The following CUL3 variants were observed in gnomAD, a reference collection of about 807,000 sequenced individuals.
CUL3 encodes cullin 3.
In CUL3, 19 loss-of-function variants were observed where a neutral mutation model predicts 89.1. The observed-to-expected ratio is 0.21, with a 90% CI of 0.15 to 0.31. The LOEUF (loss-of-function observed/expected upper bound fraction) is 0.31. Ranked by LOEUF, CUL3 falls within the 10% of genes least tolerant of loss-of-function variation. The pLI is 1.00. For synonymous variants in CUL3, 351 were observed against 308.4 expected, an observed-to-expected ratio of 1.14 and a Z score of -1.45; for missense variants, 469 against 942.3, an observed-to-expected ratio of 0.50 and a Z score of 6.58.
At chr2:224,536,201 C>G (rs1693892990) in intron 2 of CUL3, among the ~76,000 whole-genome samples, 1 of 152,168 alleles carries the variant, frequency 6.6e-6, no homozygotes, top group Non-Finnish European at 1.5e-5. Flanking sequence ...TAAAACAGTG[C>G]TTAGTACTCC....
chr2:224,553,912 T>C (rs539637724), intron 2 of CUL3, among the ~76,000 whole-genome samples: 18 of 152,338 alleles, frequency 1.2e-4, no homozygotes, highest in African/African-American at 3.8e-4. Context: ...ACCTTAAATA[T>C]GGGACCACTT....
At chr2:224,545,260 GTTA>G (rs1694252551) in intron 2 of CUL3, among the ~76,000 whole-genome samples, 2 of 151,900 alleles carry the variant, frequency 1.3e-5, no homozygotes, top group Non-Finnish European at 1.5e-5. Flanking sequence ...AGTAGACTGT[GTTA>G]TTCTCATTAT....
intron 13 of CUL3, among the ~76,000 whole-genome samples, chr2:224,487,661 A>G (rs1261122253): frequency 6.6e-6 from 1 of 152,122 alleles, no homozygotes; most frequent in Non-Finnish European, 1.5e-5. Flanking sequence ...ATAGGGGGAG[A>G]CTTTGATACC....
At chr2:224,540,282 T>G (rs1485347764) in intron 2 of CUL3, among the ~76,000 whole-genome samples, 1 of 151,966 alleles carries the variant, frequency 6.6e-6, no homozygotes, top group Non-Finnish European at 1.5e-5. Context: ...GGTCCTGAAC[T>G]CCTGACCTCA....
intron 3 of CUL3, among the ~76,000 whole-genome samples, chr2:224,526,548 T>C (rs1471238142): frequency 1.6e-5 from 2 of 126,538 alleles, no homozygotes; most frequent in Non-Finnish European, 3.1e-5. Flanking sequence ...ATTGCACCAC[T>C]GCACTCCAGC....
chr2:224,583,176 G>A (rs763644164), intron 1 of CUL3, among the ~76,000 whole-genome samples: 2 of 152,072 alleles, frequency 1.3e-5, no homozygotes, highest in Non-Finnish European at 2.9e-5. Flanking sequence ...TCGGGAGTTC[G>A]AGACCAGCCT....
intron 3 of CUL3, among the ~76,000 whole-genome samples, chr2:224,534,796 T>C (rs6436495): frequency 0.75 from 113,497 of 151,554 alleles, 43,160 homozygotes; most frequent in African/African-American, 0.9. Flanking sequence ...TCCTGGCTAA[T>C]GTGGTGAAAC....
chr2:224,478,050 A>C, intron 15 of CUL3, 150 bp downstream of exon 15: 1 of 648,398 alleles, frequency 1.5e-6, no homozygotes, highest in East Asian at 2.9e-5. Flanking sequence ...CACCATGTTT[A>C]GTTACCAAGT....
chr2:224,563,288 G>T (rs1177329125), intron 1 of CUL3: 1 of 470,838 alleles, frequency 2.1e-6, no homozygotes. Context: ...TTCACCCTGA[G>T]AACTCTGTCC....
At chr2:224,511,234 T>C (rs1465074060) in intron 6 of CUL3, 120 bp downstream of exon 6, 38 of 656,414 alleles carry the variant, frequency 5.8e-5, no homozygotes, top group Non-Finnish European at 5.4e-5. Flanking sequence ...GGAGACAAAT[T>C]AACAATACAC....
At position 224,472,995 on chromosome 2, in the gene CUL3, TAAATA is replaced by T. The variant is rs144788294; in HGVS notation, c.*1245_*1249del. ...TTATGAAAACAAAATGAAACAAAAT[TAAATA>T]AAATTGAAGATAAAAATACTCTGGA... On this transcript the variant is annotated 3_prime_UTR_variant, in exon 16 of 16. Coordinates refer to ENST00000264414, the MANE Select transcript of CUL3 (RefSeq NM_003590.5). The T allele has an allele frequency of 1.5e-3, 296 of 201,650 alleles. 2 individuals carry two copies. In the East Asian group the frequency reaches 0.021, roughly 15 times the overall value. The allele number at this position is 201,650 out of a possible 1,614,324, so 12.5% of individuals were successfully genotyped here.
intron 15 of CUL3, among the ~76,000 whole-genome samples, chr2:224,475,858 C>T (rs1691298641): frequency 6.6e-6 from 1 of 152,172 alleles, no homozygotes; most frequent in Non-Finnish European, 1.5e-5. Context: ...ATATGTACTA[C>T]ATCATTATCA....
chr2:224,514,483 T>C, intron 4 of CUL3, 129 bp downstream of exon 4: 1 of 715,020 alleles, frequency 1.4e-6, no homozygotes, highest in Non-Finnish European at 2.1e-6. Context: ...TGATACTAAG[T>C]TTCTGAGGAT....
intron 1 of CUL3, chr2:224,569,665 G>A: frequency 9.4e-7 from 1 of 1,067,056 alleles, no homozygotes; most frequent in Non-Finnish European, 1.2e-6. Context: ...AATTTGAAAG[G>A]ATGTCAGTCT....
chr2:224,581,886 A>G (rs12694643), intron 1 of CUL3, among the ~76,000 whole-genome samples: 110,421 of 152,002 alleles, frequency 0.73, 40,286 homozygotes, highest in African/African-American at 0.8. Context: ...TCCAAACAAC[A>G]GATGTAAAAT....
At chr2:224,531,148 C>T (rs1043889065) in intron 3 of CUL3, among the ~76,000 whole-genome samples, 12 of 147,310 alleles carry the variant, frequency 8.1e-5, no homozygotes, top group Admixed American at 6.9e-4. Context: ...AGTGCAGTGG[C>T]ATGATCTTGG....
chr2:224,484,190 T>G (rs1691636244), intron 13 of CUL3, among the ~76,000 whole-genome samples: 1 of 152,008 alleles, frequency 6.6e-6, no homozygotes, highest in Admixed American at 6.6e-5. Context: ...TTTTTAGTAT[T>G]TGATAAATAC....
At chr2:224,511,067 G>C (rs1692808662) in intron 6 of CUL3, among the ~76,000 whole-genome samples, 1 of 152,252 alleles carries the variant, frequency 6.6e-6, no homozygotes, top group East Asian at 1.9e-4. Context: ...AATGAATGAG[G>C]AGCTCACTGG....
intron 1 of CUL3, among the ~76,000 whole-genome samples, chr2:224,566,785 C>T (rs539981669): frequency 3.3e-5 from 5 of 152,164 alleles, no homozygotes; most frequent in Non-Finnish European, 7.4e-5. Context: ...AGTAGGTATA[C>T]TTTTCTTACA....
Sources: gnomAD v4.1 joint callset for allele counts (sites outside exome capture counted in the v4.1 genomes callset) on GRCh38, gnomAD v4.1.1 for gene constraint, MANE v1.5 for transcripts, NCBI Gene and HGNC (gene_info 2026-07-23, HGNC 2026-07-21) for gene names.